The following SVOP variants were observed in gnomAD, a reference collection of about 807,000 sequenced individuals.
SVOP encodes synaptic vesicle 2-related protein.
Under a neutral mutation model 69.1 loss-of-function variants are expected in SVOP, and 17 were observed. That is an observed-to-expected ratio of 0.25 (90% confidence interval 0.17 to 0.37). SVOP has a LOEUF of 0.37. Among genes scored for constraint, SVOP ranks in the 10% least tolerant of loss-of-function variants. SVOP has a pLI of 1.00. For synonymous variants in SVOP, 238 were observed against 238.6 expected, an observed-to-expected ratio of 1.00 and a Z score of 0.02; for missense variants, 435 against 597.5, an observed-to-expected ratio of 0.73 and a Z score of 2.84.
At chr12:108,983,851 ACTT>A (rs1278430019) in intron 1 of SVOP, 90 bp from the exon 2 acceptor site, 16 of 398,312 alleles carry the variant, frequency 4.0e-5, no homozygotes, top group South Asian at 1.3e-4. Flanking sequence ...CAGGTGAAAG[ACTT>A]CTTCTCATGG....
At chr12:108,949,147 T>C (rs2039940349) in intron 6 of SVOP, among the ~76,000 whole-genome samples, 1 of 152,202 alleles carries the variant, frequency 6.6e-6, no homozygotes, top group Non-Finnish European at 1.5e-5. Context: ...AATCTCATTG[T>C]AAAATAATTT....
intron 4 of SVOP, 85 bp downstream of exon 4, chr12:108,977,313 G>C (rs572408867): frequency 2.1e-6 from 3 of 1,447,126 alleles, no homozygotes. Context: ...CTGAGCCTTC[G>C]GCAGCAGGAG....
chr12:108,991,082 C>T (rs547847286), intron 1 of SVOP, among the ~76,000 whole-genome samples: 5 of 152,298 alleles, frequency 3.3e-5, no homozygotes, highest in East Asian at 1.9e-4. Context: ...CTGAGCTGGG[C>T]GTCTACAACT....
At chr12:108,971,125 T>A (rs1362626311) in intron 5 of SVOP, among the ~76,000 whole-genome samples, 1 of 151,902 alleles carries the variant, frequency 6.6e-6, no homozygotes, top group South Asian at 2.1e-4. Context: ...ATTAGGAAAT[T>A]GATAATCAAA....
intron 1 of SVOP, among the ~76,000 whole-genome samples, chr12:109,010,166 A>G (rs1433103275): frequency 1.3e-5 from 2 of 151,928 alleles, no homozygotes; most frequent in Non-Finnish European, 2.9e-5. Flanking sequence ...TAAATAAATA[A>G]GTTAATAAAT....
intron 5 of SVOP, among the ~76,000 whole-genome samples, chr12:108,962,050 A>T (rs181938587): frequency 6.6e-6 from 1 of 152,330 alleles, no homozygotes; most frequent in Non-Finnish European, 1.5e-5. Flanking sequence ...AATGAATGAC[A>T]TACTCTTACA....
At chr12:108,973,559 T>TTTTA (rs558221250) in intron 4 of SVOP, among the ~76,000 whole-genome samples, 41 of 152,104 alleles carry the variant, frequency 2.7e-4, no homozygotes, top group African/African-American at 8.2e-4. Flanking sequence ...GCCTAGCTAA[T>TTTTA]TTTATTTATT....
At chr12:108,942,969 C>G (rs150978744) in intron 7 of SVOP, among the ~76,000 whole-genome samples, 3,181 of 151,998 alleles carry the variant, frequency 0.021, 45 homozygotes, top group Middle Eastern at 0.085. Context: ...ATGTTGGCTA[C>G]GCTGTTCTCA....
At chr12:108,993,183 C>T (rs1235443298) in intron 1 of SVOP, among the ~76,000 whole-genome samples, 1 of 151,942 alleles carries the variant, frequency 6.6e-6, no homozygotes, top group African/African-American at 2.4e-5. Context: ...AACTTTTGCA[C>T]TTTTAGTAGA....
chr12:108,988,442 G>A (rs189664817), intron 1 of SVOP, among the ~76,000 whole-genome samples: 10 of 151,978 alleles, frequency 6.6e-5, no homozygotes, highest in Admixed American at 3.9e-4. Context: ...TTTCACATAC[G>A]GACATCCAAT....
rs1207733658 is a variant in SVOP, at chr12:108,978,592, T to C, written c.268A>G (p.Thr90Ala). Residue 90 changes from threonine (T) to alanine (A), a missense_variant, in exon 3 of 16, where the codon ACT becomes GCT. Thr to Ala is a moderately conservative substitution (Grantham distance 58). Coordinates refer to ENST00000610966, the MANE Select transcript of SVOP (RefSeq NM_018711.5). Reference sequence around the variant, plus strand: ...GAAATACTTGCCCAAGCCAAGCCAGTGAGAACAGACAGCTTCCACTGAAAT... The same window carrying C: ...GAAATACTTGCCCAAGCCAAGCCAGCGAGAACAGACAGCTTCCACTGAAAT... The part of the protein sequence containing the change: ...GKFQWKLSVL[T>A]GLAWMADAME... The C allele has an allele frequency of 5.7e-6, 4 of 703,720 alleles. No homozygotes were observed. Among genetic ancestry groups the C allele is most frequent in the Non-Finnish European group, 1.0e-5 (4 of 384,902 alleles). The allele number at this position is 703,720 out of a possible 1,614,324, so 43.6% of individuals were successfully genotyped here. A position where few individuals can be genotyped will look rare whatever the true frequency, so the allele number is the denominator to read the frequency against.
intron 4 of SVOP, among the ~76,000 whole-genome samples, chr12:108,974,339 T>A (rs2040095102): frequency 6.6e-6 from 1 of 152,206 alleles, no homozygotes; most frequent in Non-Finnish European, 1.5e-5. Context: ...CAAAATTATA[T>A]GTTGTTGTTG....
At chr12:108,998,095 C>G (rs2040247127) in intron 1 of SVOP, among the ~76,000 whole-genome samples, 1 of 151,922 alleles carries the variant, frequency 6.6e-6, no homozygotes, top group Non-Finnish European at 1.5e-5. Flanking sequence ...ACTAGAATAA[C>G]CAATACAGAG....
chr12:108,912,879 C>T, intron 15 of SVOP, 138 bp from the exon 16 acceptor site: 1 of 898,046 alleles, frequency 1.1e-6, no homozygotes, highest in Non-Finnish European at 1.7e-6. Flanking sequence ...CCCTCCTCTC[C>T]CCCTTTGTCC....
At chr12:108,997,013 A>G (rs2040236995) in intron 1 of SVOP, among the ~76,000 whole-genome samples, 1 of 152,218 alleles carries the variant, frequency 6.6e-6, no homozygotes, top group Non-Finnish European at 1.5e-5. Flanking sequence ...TGAGCGACAC[A>G]GAAGACGGGT....
Position 108,986,966 on chromosome 12 carries a change from G to A in SVOP, c.36-3205C>T, listed in dbSNP as rs937145665. 3.9e-5 allele frequency among the ~76,000 whole-genome samples: 6 copies of A among 152,236 alleles called. No individual in the cohort carries two copies. In the South Asian group the frequency reaches 1.2e-3, roughly 32 times the overall value. ...TGTCCTAGAAGAAAATCGTGAAACA[G>A]GGATTCTTTTTCTACTGTGGTAAAA... On this transcript the variant is annotated intron_variant, in intron 1 of 15. Transcript: ENST00000610966.
intron 11 of SVOP, among the ~76,000 whole-genome samples, chr12:108,926,140 C>T (rs908854924): frequency 2.6e-5 from 4 of 152,068 alleles, no homozygotes; most frequent in Non-Finnish European, 4.4e-5. Context: ...AGGTTGGTCT[C>T]GAACTCCTAG....
At chr12:108,975,005 T>C (rs904312870) in intron 4 of SVOP, among the ~76,000 whole-genome samples, 2 of 152,228 alleles carry the variant, frequency 1.3e-5, no homozygotes, top group Non-Finnish European at 2.9e-5. Flanking sequence ...TTCATGTCAA[T>C]GTAAAAACAT....
At chr12:108,972,315 A>T (rs1373076867) in intron 5 of SVOP, 90 bp downstream of exon 5, 4 of 1,273,812 alleles carry the variant, frequency 3.1e-6, no homozygotes, top group Middle Eastern at 1.8e-4. Flanking sequence ...AGGCCTCCCA[A>T]CTGCTAATGC....
Sources: gnomAD v4.1 joint callset for allele counts (sites outside exome capture counted in the v4.1 genomes callset) on GRCh38, gnomAD v4.1.1 for gene constraint, MANE v1.5 for transcripts, NCBI Gene and HGNC (gene_info 2026-07-23, HGNC 2026-07-21) for gene names.